The following LSAMP variants were observed in gnomAD, a reference collection of about 807,000 sequenced individuals.
The protein encoded by LSAMP is limbic system associated membrane protein.
LSAMP carries 7 observed loss-of-function variants against 38.6 expected under a neutral mutation model. That is an observed-to-expected ratio of 0.18 (90% CI 0.10 to 0.34). LSAMP has a LOEUF of 0.34. LSAMP is among the 10% of genes least tolerant of loss of function. The probability of loss-of-function intolerance (pLI) is 1.00; values close to 1 mark genes in which losing one functional copy is unlikely to be tolerated. For synonymous variants in LSAMP, 154 were observed against 166.8 expected (o/e 0.92, Z 0.59); for missense variants, 313 against 420.0 (o/e 0.75, Z 2.23).
chr3:116,140,969 T>C (rs1448815117), intron 1 of LSAMP, among the ~76,000 whole-genome samples: 3 of 151,852 alleles, frequency 2.0e-5, no homozygotes, highest in Non-Finnish European at 4.4e-5. Context: ...AAGGGACTTA[T>C]AATGGCCTAA....
chr3:116,108,126 G>A (rs1267513217), intron 1 of LSAMP, among the ~76,000 whole-genome samples: 8 of 152,200 alleles, frequency 5.3e-5, no homozygotes, highest in South Asian at 2.1e-4. Context: ...ATGATCGGTC[G>A]CCAAGGAGGG....
At chr3:116,107,086 CAGGGTGAGGAACAGGAAAGAAGGAAAT>C (rs1708484829) in intron 1 of LSAMP, among the ~76,000 whole-genome samples, 1 of 151,986 alleles carries the variant, frequency 6.6e-6, no homozygotes, top group Admixed American at 6.6e-5. Flanking sequence ...CAAGTGTGAT[CAGGGTGAGGAACAGGAAAGAAGGAAAT>C]ATGGGGAAAT....
Position 116,209,891 on chromosome 3 carries a change from C to T in LSAMP, c.156-123335G>A, listed in dbSNP as rs531153515. ...CTTAGCCTCCGAGTAGCTGGGACTA[C>T]AGGCATCCGCCACCTCGCCCGGCAA... On this transcript the variant is annotated intron_variant, in intron 1 of 6. Transcript: ENST00000490035. Among the ~76,000 whole-genome samples, 33 of 152,202 alleles carry T rather than the reference C, an allele frequency of 2.2e-4. No individual in the cohort carries two copies. The East Asian group carries it at 5.6e-3, about 26-fold the overall frequency.
At chr3:115,857,311 G>A (rs1935538028) in intron 3 of LSAMP, among the ~76,000 whole-genome samples, 1 of 152,104 alleles carries the variant, frequency 6.6e-6, no homozygotes, top group Admixed American at 6.5e-5. Flanking sequence ...CCCCAAGAGG[G>A]CAACTTTTCT....
intron 3 of LSAMP, among the ~76,000 whole-genome samples, chr3:115,902,308 GACA>G (rs1428688631): frequency 2.0e-5 from 3 of 152,096 alleles, no homozygotes; most frequent in Non-Finnish European, 2.9e-5. Flanking sequence ...TATTGGAAAA[GACA>G]ACAATAGGAA....
At chr3:116,200,968 T>A (rs2045980325) in intron 1 of LSAMP, among the ~76,000 whole-genome samples, 1 of 152,202 alleles carries the variant, frequency 6.6e-6, no homozygotes, top group Non-Finnish European at 1.5e-5. Context: ...TTAAGCCCAA[T>A]TTGCATAATA....
intron 2 of LSAMP, among the ~76,000 whole-genome samples, chr3:116,064,217 T>C (rs1941643737): frequency 6.6e-6 from 1 of 152,178 alleles, no homozygotes. Flanking sequence ...TTGTACCGTT[T>C]TTCTTCTCTA....
intron 1 of LSAMP, among the ~76,000 whole-genome samples, chr3:116,329,932 G>C (rs1412130701): frequency 1.3e-5 from 2 of 152,110 alleles, no homozygotes; most frequent in Non-Finnish European, 2.9e-5. Context: ...CGTTTAATGT[G>C]TCATTCAATA....
At chr3:116,102,126 G>A (rs2107451891) in intron 1 of LSAMP, among the ~76,000 whole-genome samples, 1 of 152,234 alleles carries the variant, frequency 6.6e-6, no homozygotes, top group Admixed American at 6.5e-5. Flanking sequence ...AAAACAGGAA[G>A]GCTGATAAAG....
intron 1 of LSAMP, among the ~76,000 whole-genome samples, chr3:116,346,489 T>TG (rs1195886707): frequency 6.6e-6 from 1 of 151,940 alleles, no homozygotes; most frequent in Non-Finnish European, 1.5e-5. Flanking sequence ...CCACCACACC[T>TG]GGCTAATTTT....
chr3:116,198,190 C>G (rs1271175358), intron 1 of LSAMP, among the ~76,000 whole-genome samples: 1 of 152,176 alleles, frequency 6.6e-6, no homozygotes, highest in African/African-American at 2.4e-5. Context: ...TGGGAAGTTG[C>G]TACTGTTCAT....
intron 2 of LSAMP, among the ~76,000 whole-genome samples, chr3:116,029,432 A>G (rs759119944): frequency 5.3e-5 from 8 of 152,230 alleles, no homozygotes; most frequent in Middle Eastern, 3.4e-3. Context: ...AAAACTCATT[A>G]TAAGTATCAG....
intron 6 of LSAMP, among the ~76,000 whole-genome samples, chr3:115,813,283 T>C (rs1023226574): frequency 5.9e-5 from 9 of 152,142 alleles, no homozygotes; most frequent in African/African-American, 2.2e-4. Flanking sequence ...CTTTCCTGTC[T>C]AGATAAGTTT....
intron 2 of LSAMP, among the ~76,000 whole-genome samples, chr3:116,066,552 C>T (rs1707435569): frequency 6.6e-6 from 1 of 152,214 alleles, no homozygotes; most frequent in Admixed American, 6.5e-5. Flanking sequence ...CATTAGAATT[C>T]TAACCTGGTT....
At chr3:116,281,462 C>T (rs942035316) in intron 1 of LSAMP, among the ~76,000 whole-genome samples, 24 of 152,188 alleles carry the variant, frequency 1.6e-4, no homozygotes, top group East Asian at 9.6e-4. Flanking sequence ...ACAGAGGAGC[C>T]ATATTTCATC....
intron 3 of LSAMP, among the ~76,000 whole-genome samples, chr3:116,011,447 T>C (rs561065270): frequency 8.5e-5 from 13 of 152,210 alleles, no homozygotes; most frequent in Admixed American, 5.9e-4. Flanking sequence ...TCTTGAAATA[T>C]AAAAGGAGTA....
chr3:116,394,064 C>A (rs1156754317), intron 1 of LSAMP, among the ~76,000 whole-genome samples: 2 of 152,132 alleles, frequency 1.3e-5, no homozygotes, highest in African/African-American at 4.8e-5. Flanking sequence ...ATATCTAAGG[C>A]ACCTGTTTTT....
chr3:115,978,806 G>A (rs150356913), intron 3 of LSAMP, among the ~76,000 whole-genome samples: 1 of 152,238 alleles, frequency 6.6e-6, no homozygotes, highest in Non-Finnish European at 1.5e-5. Context: ...TGGTTGAGAA[G>A]TTGAGTGCTA....
chr3:115,950,691 G>C (rs1938253545), intron 3 of LSAMP, among the ~76,000 whole-genome samples: 1 of 148,532 alleles, frequency 6.7e-6, no homozygotes, highest in African/African-American at 2.5e-5. Context: ...CAGATTAAGT[G>C]CAATTCCTAT....
Sources: allele counts gnomAD v4.1 joint callset (sites outside exome capture counted in the v4.1 genomes callset), GRCh38; gene constraint gnomAD v4.1.1; transcripts MANE v1.5; gene names NCBI Gene and HGNC (gene_info 2026-07-23, HGNC 2026-07-21).